The following RBFOX3 variants were observed in gnomAD, a reference collection of about 807,000 sequenced individuals.
RBFOX3 encodes RNA binding fox-1 homolog 3.
RBFOX3 carries 17 observed loss-of-function variants against 48.7 expected under a neutral mutation model. That is an observed-to-expected ratio of 0.35 (90% confidence interval 0.24 to 0.52). The LOEUF is 0.52. RBFOX3 is among the 20% of genes least tolerant of loss of function. RBFOX3 has a pLI of 0.94. For synonymous variants in RBFOX3, 212 were observed against 209.5 expected (o/e 1.01, Z -0.10); for missense variants, 382 against 497.5 (o/e 0.77, Z 2.21).
chr17:79,406,950 T>C lies in RBFOX3; in HGVS notation c.-175+75504A>G, dbSNP rs577129866. Among the ~76,000 whole-genome samples the C allele has an allele frequency of 3.4e-4, 52 of 152,248 alleles. No homozygotes were observed. The East Asian group carries it at 8.3e-3, about 24-fold the overall frequency. On this transcript the variant is annotated intron_variant, in intron 2 of 14. Coordinates refer to ENST00000693108, the MANE Select transcript of RBFOX3 (RefSeq NM_001350451.2). ...ATGCCAGGCTGCTGGGGAGCTATGG[T>C]GGAGAGAGAGGTGAGCTGCAGATCC...
In RBFOX3 at chr17:79,247,555, G is replaced by A. The variant is rs544566826; in HGVS notation, c.-73-11750C>T. On this transcript the variant is annotated intron_variant, in intron 3 of 14. Transcript: ENST00000693108. ...TTGAACTTTTGACCTCAAGTGATCC[G>A]CCCACCTTGGCCTCCCAAAATGCTA... Among the ~76,000 whole-genome samples, 69 of 152,134 alleles carry A rather than the reference G, an allele frequency of 4.5e-4. 1 individual carries two copies. The highest frequency in any genetic ancestry group is 4.7e-4 in the Non-Finnish European group (32 of 67,980).
At chr17:79,139,032 ACACG>A (rs1429377761) in intron 4 of RBFOX3, among the ~76,000 whole-genome samples, 2 of 125,762 alleles carry the variant, frequency 1.6e-5, no homozygotes, top group African/African-American at 6.2e-5. Context: ...CCTCACCCAC[ACACG>A]CACGCACACA....
intron 4 of RBFOX3, among the ~76,000 whole-genome samples, chr17:79,131,648 A>G (rs995732863): frequency 2.0e-5 from 3 of 152,216 alleles, no homozygotes; most frequent in African/African-American, 7.2e-5. Flanking sequence ...TCTCAATACA[A>G]TTGGTTTCCT....
rs116418600 is a variant in RBFOX3, at chr17:79,375,931, G to A, written c.-174-68107C>T. The stretch of plus-strand genomic sequence containing the variant: ...GCTTCAGTTTCCTTGGCTGTAAAAC[G>A]GGGAGTGCAGTTGTGCTTCCCTCAC... On this transcript the variant is annotated intron_variant, in intron 2 of 14. Transcript: ENST00000693108. Among the ~76,000 whole-genome samples the A allele has an allele frequency of 5.8e-3, 889 of 152,328 alleles. 11 individuals carry two copies. Among genetic ancestry groups the A allele is most frequent in the African/African-American group, 0.021 (856 of 41,570 alleles).
chr17:79,502,851 A>G (rs2082566394), intron 1 of RBFOX3, among the ~76,000 whole-genome samples: 1 of 152,106 alleles, frequency 6.6e-6, no homozygotes, highest in Admixed American at 6.5e-5. Flanking sequence ...GCTTGCAAGG[A>G]GGGGGACCCT....
chr17:79,400,845 C>T (rs2062708616), intron 2 of RBFOX3, among the ~76,000 whole-genome samples: 3 of 152,180 alleles, frequency 2.0e-5, no homozygotes, highest in Admixed American at 2.0e-4. Flanking sequence ...AAGCCAAAAC[C>T]GAAGTCCCCA....
intron 3 of RBFOX3, among the ~76,000 whole-genome samples, chr17:79,287,923 T>C (rs961902621): frequency 6.6e-6 from 1 of 152,072 alleles, no homozygotes; most frequent in Admixed American, 6.6e-5. Context: ...AGACAGTGAG[T>C]GCGGCTGTGC....
At chr17:79,352,527 T>A (rs1478831960) in intron 2 of RBFOX3, among the ~76,000 whole-genome samples, 3 of 152,206 alleles carry the variant, frequency 2.0e-5, no homozygotes, top group Admixed American at 2.0e-4. Context: ...CCTGAGGGAA[T>A]GCATGGTCTC....
intron 3 of RBFOX3, among the ~76,000 whole-genome samples, chr17:79,305,818 G>A (rs1033578029): frequency 1.3e-5 from 2 of 152,194 alleles, no homozygotes; most frequent in Non-Finnish European, 2.9e-5. Context: ...TTCCCTCTCC[G>A]CTGTGGGCAG....
chr17:79,094,617 A>G (rs1260995560), intron 13 of RBFOX3, 88 bp from the exon 14 acceptor site: 4 of 845,756 alleles, frequency 4.7e-6, no homozygotes, highest in Non-Finnish European at 6.8e-6. Context: ...CTCCTCCCAG[A>G]CACTACATGG....
At chr17:79,517,297 T>C (rs900529018) in intron 1 of RBFOX3, among the ~76,000 whole-genome samples, 1 of 151,746 alleles carries the variant, frequency 6.6e-6, no homozygotes, top group Non-Finnish European at 1.5e-5. Flanking sequence ...AATAAAAAAT[T>C]AGCCGGGCAT....
intron 1 of RBFOX3, among the ~76,000 whole-genome samples, chr17:79,585,083 G>A (rs1295296317): frequency 6.6e-6 from 1 of 152,010 alleles, no homozygotes; most frequent in African/African-American, 2.4e-5. Flanking sequence ...GGATTTTGGG[G>A]ACTCTGGGGA....
chr17:79,402,334 T>C (rs2062914097), intron 2 of RBFOX3, among the ~76,000 whole-genome samples: 1 of 152,224 alleles, frequency 6.6e-6, no homozygotes, highest in Admixed American at 6.5e-5. Context: ...TTTTTCTAAC[T>C]GGGGAGAGAC....
At position 79,283,265 on chromosome 17, in the gene RBFOX3, CTTTTT is replaced by C. The variant is rs11307023; in HGVS notation, c.-74+24454_-74+24458del. Among the ~76,000 whole-genome samples the C allele has an allele frequency of 1.0e-2, 1,142 of 114,584 alleles. 8 individuals carry two copies. Among genetic ancestry groups the C allele is most frequent in the African/African-American group, 0.032 (966 of 30,476 alleles). The allele number at this position is 114,584 out of a possible 152,430, so 75.2% of individuals were successfully genotyped here. A position where few individuals can be genotyped will look rare whatever the true frequency, so the allele number is the denominator to read the frequency against. On this transcript the variant is annotated intron_variant, in intron 3 of 14. Transcript: ENST00000693108. ...AAGGTAATATTCCTATGTTCCTTTT[CTTTTT>C]TTTTTTTTTTTTTTTGAGATGGGAG... is the stretch of plus-strand genomic sequence containing the variant.
intron 1 of RBFOX3, among the ~76,000 whole-genome samples, chr17:79,502,865 G>A (rs904965972): frequency 3.9e-4 from 59 of 152,282 alleles, no homozygotes; most frequent in Non-Finnish European, 6.3e-4. Flanking sequence ...GGACCCTGCC[G>A]CCACCACCCT....
rs1178034527 is a variant in RBFOX3 at position 79,346,232 on chromosome 17, A to C, written c.-174-38408T>G. On this transcript the variant is annotated intron_variant, in intron 2 of 14. Coordinates refer to ENST00000693108, the MANE Select transcript of RBFOX3 (RefSeq NM_001350451.2). Reference sequence around the variant, plus strand: ...GCCACCATGCCTGGCCTCCTCTAAGAGATTTTTGACATTTAACTACTTCAT... The same window carrying C: ...GCCACCATGCCTGGCCTCCTCTAAGCGATTTTTGACATTTAACTACTTCAT... Among the ~76,000 whole-genome samples the C allele has an allele frequency of 2.0e-5, 3 of 152,128 alleles. No individual in the cohort carries two copies. In the East Asian group the frequency reaches 5.8e-4, roughly 29 times the overall value.
At chr17:79,591,112 G>T (rs1224326012) in intron 1 of RBFOX3, among the ~76,000 whole-genome samples, 2 of 152,164 alleles carry the variant, frequency 1.3e-5, no homozygotes, top group African/African-American at 4.8e-5. Flanking sequence ...CCAGAAACAA[G>T]GAGTCCAGGA....
At chr17:79,647,860 T>G in the RBFOX3 span, among the ~76,000 whole-genome samples, 16 of 152,152 alleles carry the variant, frequency 1.1e-4, no homozygotes, top group African/African-American at 3.4e-4. Context: ...AGTGCTGTGG[T>G]GGACACAGAG....
intron 2 of RBFOX3, among the ~76,000 whole-genome samples, chr17:79,358,756 C>T (rs891458173): frequency 2.0e-5 from 3 of 152,334 alleles, no homozygotes; most frequent in East Asian, 1.9e-4. Flanking sequence ...CCTCCGTGCT[C>T]GGCCTGGTTC....
Sources: gnomAD v4.1 joint callset for allele counts (sites outside exome capture counted in the v4.1 genomes callset) on GRCh38, gnomAD v4.1.1 for gene constraint, MANE v1.5 for transcripts, NCBI Gene and HGNC (gene_info 2026-07-23, HGNC 2026-07-21) for gene names.